The following PIWIL3 variants were observed in gnomAD, a reference collection of about 807,000 sequenced individuals.
The protein encoded by PIWIL3 is piwi-like protein 3.
A neutral mutation model predicts 109.7 loss-of-function variants in PIWIL3; 101 were observed. That is an observed-to-expected ratio of 0.92 (90% CI 0.78 to 1.09). The LOEUF (loss-of-function observed/expected upper bound fraction) is 1.09. Ranked by LOEUF, PIWIL3 falls within the 50% of genes least tolerant of loss-of-function variation. The pLI is 0.00. For missense variants in PIWIL3, 1,031 were observed against 1,072.6 expected, an observed-to-expected ratio of 0.96 and a Z score of 0.54; for synonymous variants, 373 against 376.4, an observed-to-expected ratio of 0.99 and a Z score of 0.10.
intron 1 of PIWIL3, among the ~76,000 whole-genome samples, chr22:24,771,829 G>A (rs1012588908): frequency 6.6e-6 from 1 of 152,116 alleles, no homozygotes; most frequent in East Asian, 1.9e-4. Context: ...CACCTCCCCG[G>A]TTCAAGCAAT....
chr22:24,761,170 C>T (rs553601572), intron 2 of PIWIL3, among the ~76,000 whole-genome samples: 6 of 151,802 alleles, frequency 4.0e-5, no homozygotes, highest in Admixed American at 1.3e-4. Flanking sequence ...TTCTGGCCAA[C>T]GAGATAAATA....
chr22:24,758,417 A>C (rs1273454023), intron 3 of PIWIL3, among the ~76,000 whole-genome samples: 1 of 152,204 alleles, frequency 6.6e-6, no homozygotes, highest in Non-Finnish European at 1.5e-5. Context: ...AAATCTATAA[A>C]ACTGGCTTTT....
At chr22:24,731,373 C>T (rs896014440) in intron 14 of PIWIL3, among the ~76,000 whole-genome samples, 6 of 152,224 alleles carry the variant, frequency 3.9e-5, no homozygotes, top group African/African-American at 1.4e-4. Context: ...TCACTTATGG[C>T]CGGGCATGGT....
chr22:24,753,562 C>T (rs779472356), intron 8 of PIWIL3, among the ~76,000 whole-genome samples: 1 of 152,094 alleles, frequency 6.6e-6, no homozygotes, highest in Non-Finnish European at 1.5e-5. Context: ...AGTGTGAGTC[C>T]TCAAATTGTG....
At position 24,733,037 on chromosome 22, in the gene PIWIL3, A is replaced by G. The variant is rs116584527; in HGVS notation, c.1707+1047T>C. Among the ~76,000 whole-genome samples the G allele has an allele frequency of 2.8e-3, 423 of 152,326 alleles. 3 individuals are homozygous for G. Among genetic ancestry groups the G allele is most frequent in the African/African-American group, 9.5e-3 (395 of 41,560 alleles). On this transcript the variant is annotated intron_variant, in intron 14 of 20. Transcript: ENST00000616349. ...CAATACTCAAGTAACAGGAAGCAACACATAAAACTTAAGTCCAACAGGATT... is the reference window on the plus strand; with the variant it reads ...CAATACTCAAGTAACAGGAAGCAACGCATAAAACTTAAGTCCAACAGGATT...
chr22:24,723,394 G>A (rs1922794922), intron 18 of PIWIL3, 139 bp from the exon 19 acceptor site: 2 of 845,186 alleles, frequency 2.4e-6, no homozygotes, highest in South Asian at 3.7e-5. Context: ...TAATTTTACT[G>A]TCTAAGCTCC....
At chr22:24,762,799 C>CT (rs1267603537) in intron 1 of PIWIL3, among the ~76,000 whole-genome samples, 1 of 152,140 alleles carries the variant, frequency 6.6e-6, no homozygotes, top group African/African-American at 2.4e-5. Context: ...AGGCCGGACT[C>CT]TAACAACCAG....
intron 8 of PIWIL3, among the ~76,000 whole-genome samples, chr22:24,752,569 C>G (rs998161866): frequency 6.6e-6 from 1 of 152,066 alleles, no homozygotes; most frequent in African/African-American, 2.4e-5. Context: ...ATTCGGAATG[C>G]CCCTCCCCCT....
chr22:24,764,294 T>C (rs1160757781), intron 1 of PIWIL3, among the ~76,000 whole-genome samples: 1 of 152,184 alleles, frequency 6.6e-6, no homozygotes, highest in Non-Finnish European at 1.5e-5. Flanking sequence ...CCTTCTTGCC[T>C]CACCATTAAC....
At chr22:24,744,565 T>C (rs956513212) in intron 12 of PIWIL3, among the ~76,000 whole-genome samples, 5 of 152,090 alleles carry the variant, frequency 3.3e-5, no homozygotes, top group Admixed American at 3.3e-4. Context: ...AGAGCAAGAC[T>C]CTGTCTCAAA....
At chr22:24,720,272 T>A (rs976968179) in intron 19 of PIWIL3, among the ~76,000 whole-genome samples, 1 of 140,106 alleles carries the variant, frequency 7.1e-6, no homozygotes. Flanking sequence ...TTTTTTTTTT[T>A]TTTTTTTTTT....
chr22:24,773,374 G>C (rs923926846), intron 1 of PIWIL3, among the ~76,000 whole-genome samples: 1 of 152,050 alleles, frequency 6.6e-6, no homozygotes, highest in African/African-American at 2.4e-5. Flanking sequence ...CTCTTTTCCT[G>C]TCTGCAGTGG....
In PIWIL3 at chr22:24,725,457, T is replaced by C. The variant is rs530278958; in HGVS notation, c.2068A>G (p.Ile690Val). The C allele has an allele frequency of 5.0e-5, 80 of 1,613,846 alleles. No individual in the cohort carries two copies. The highest frequency in any genetic ancestry group is 5.9e-5 in the Non-Finnish European group (70 of 1,180,056). ...TGEELVKELEICLKAALDVWC... is the reference protein window; with the variant it reads ...TGEELVKELEVCLKAALDVWC... ...ACAAGACACTGACCTTTCAAGCAGATCTCCAGCTCTTTCACAAGCTCTTCT... is the reference window on the plus strand; with the variant it reads ...ACAAGACACTGACCTTTCAAGCAGACCTCCAGCTCTTTCACAAGCTCTTCT... The change falls in exon 17 of 21, where the codon ATC becomes GTC. Residue 690 changes from isoleucine to valine, a missense_variant. Transcript: ENST00000616349.
At chr22:24,759,180 C>T (rs1260185323) in intron 3 of PIWIL3, among the ~76,000 whole-genome samples, 1 of 152,242 alleles carries the variant, frequency 6.6e-6, no homozygotes, top group Non-Finnish European at 1.5e-5. Context: ...CCACTGCACC[C>T]AGTCCATGTA....
At chr22:24,731,472 G>A (rs1270801813) in intron 14 of PIWIL3, among the ~76,000 whole-genome samples, 2 of 151,884 alleles carry the variant, frequency 1.3e-5, no homozygotes, top group East Asian at 3.9e-4. Flanking sequence ...CTAACACAGT[G>A]AAACCCTTTG....
rs560866139 is a variant in PIWIL3 at position 24,755,234 on chromosome 22, C to T, written c.693-370G>A. On this transcript the variant is annotated intron_variant, in intron 6 of 20. Transcript: ENST00000616349. Reference sequence around the variant, plus strand: ...ACCTCCTGGGACCAAGTGATTCTCCCGCCTCAGCCTTTCAAGTAGCTGAAA... The same window carrying T: ...ACCTCCTGGGACCAAGTGATTCTCCTGCCTCAGCCTTTCAAGTAGCTGAAA... Among the ~76,000 whole-genome samples, 12 of 152,260 alleles carry T rather than the reference C, an allele frequency of 7.9e-5. No homozygotes were observed. In the East Asian group the frequency reaches 1.9e-3, roughly 25 times the overall value.
intron 15 of PIWIL3, 54 bp from the exon 16 acceptor site, chr22:24,728,107 CATTAACA>C: frequency 1.9e-6 from 3 of 1,606,274 alleles, no homozygotes; most frequent in Non-Finnish European, 2.6e-6. Flanking sequence ...AAAATTTAAG[CATTAACA>C]ATTAAGAGAA....
intron 1 of PIWIL3, among the ~76,000 whole-genome samples, chr22:24,764,043 C>G (rs1054323514): frequency 6.6e-6 from 1 of 152,184 alleles, no homozygotes; most frequent in East Asian, 1.9e-4. Flanking sequence ...GCCCCACGCC[C>G]CGCACCGGTC....
Position 24,772,259 on chromosome 22 carries a change from T to A in PIWIL3, c.-23+2063A>T, listed in dbSNP as rs570937322. The stretch of plus-strand genomic sequence containing the variant: ...ATATAAGTATTAAGTACTAAGTAGT[T>A]GTATATTTCACAATGTAAGTAAATC... On this transcript the variant is annotated intron_variant, in intron 1 of 20. Transcript: ENST00000616349. Among the ~76,000 whole-genome samples, 23 of 152,318 alleles carry A rather than the reference T, an allele frequency of 1.5e-4. No individual in the cohort carries two copies. The South Asian group carries it at 4.8e-3, about 32-fold the overall frequency.
Sources: gnomAD v4.1 joint callset for allele counts (sites outside exome capture counted in the v4.1 genomes callset) on GRCh38, gnomAD v4.1.1 for gene constraint, MANE v1.5 for transcripts, NCBI Gene and HGNC (gene_info 2026-07-23, HGNC 2026-07-21) for gene names.